Variants in PCDHGA10 observed in about 807,000 individuals in gnomAD.
The protein encoded by PCDHGA10 is protocadherin gamma-A10.
In PCDHGA10, 42 loss-of-function variants were observed where a neutral mutation model predicts 59.5. That is an observed-to-expected ratio of 0.71 (90% CI 0.55 to 0.91). The LOEUF (loss-of-function observed/expected upper bound fraction) is 0.91, where lower values mean the gene tolerates loss of function less well. Among genes scored for constraint, PCDHGA10 ranks in the 40% least tolerant of loss-of-function variants. The probability of loss-of-function intolerance (pLI) is 0.00; values close to 1 mark genes in which losing one functional copy is unlikely to be tolerated. For missense variants in PCDHGA10, 1,111 were observed against 1,198.2 expected, an observed-to-expected ratio of 0.93 and a Z score of 1.07; for synonymous variants, 511 against 517.2, an observed-to-expected ratio of 0.99 and a Z score of 0.16.
At chr5:141,441,793 C>T (rs961624726) in intron 1 of PCDHGA10, 7 of 391,390 alleles carry the variant, frequency 1.8e-5, no homozygotes, top group Non-Finnish European at 3.6e-5. Flanking sequence ...AATGACAACG[C>T]ACCGCGGGTG....
intron 2 of PCDHGA10, among the ~76,000 whole-genome samples, chr5:141,497,642 C>T (rs1426920174): frequency 1.3e-5 from 2 of 151,352 alleles, no homozygotes; most frequent in Middle Eastern, 3.4e-3. Context: ...CAGGTTCAAG[C>T]GATTCTCCTG....
rs553276457 is a variant in PCDHGA10 at position 141,480,179 on chromosome 5, G to A, written c.2437-14628G>A. Among the ~76,000 whole-genome samples, 10 of 152,058 alleles carry A rather than the reference G, an allele frequency of 6.6e-5. No individual in the cohort carries two copies. In the South Asian group the frequency reaches 8.3e-4, roughly 13 times the overall value. On this transcript the variant is annotated intron_variant, in intron 1 of 3. Transcript: ENST00000398610. ...AGCATTTTGGGAGGCTGAGGCAGGC[G>A]GATTGCTTGAGGCCAGCAGTTCAAG... is the stretch of plus-strand genomic sequence containing the variant.
At position 141,414,983 on chromosome 5, in the gene PCDHGA10, G is replaced by C; in HGVS notation, c.1808G>C (p.Gly603Ala). 6.2e-7 allele frequency: 1 copy of C among 1,613,716 alleles called. No individual in the cohort carries two copies. The highest frequency in any genetic ancestry group is 8.5e-7 in the Non-Finnish European group (1 of 1,180,034). ...GTGGTGGCGGTGGACAGAGACTCCGGCCAGAACGCCTGGCTGTCCTACCGT... is the reference window on the plus strand; with the variant it reads ...GTGGTGGCGGTGGACAGAGACTCCGCCCAGAACGCCTGGCTGTCCTACCGT... ...TKVVAVDRDS[G>A]QNAWLSYRLL... The change falls in exon 1 of 4, where the codon GGC (glycine) becomes GCC (alanine). Residue 603 changes from glycine (G) to alanine (A), a missense_variant. Coordinates refer to ENST00000398610, the MANE Select transcript of PCDHGA10 (RefSeq NM_018913.3).
intron 1 of PCDHGA10, among the ~76,000 whole-genome samples, chr5:141,450,968 G>A (rs756891993): frequency 5.5e-4 from 84 of 151,848 alleles, no homozygotes; most frequent in Non-Finnish European, 9.0e-4. Context: ...GGGATTACAG[G>A]CATGTGCCAC....
intron 1 of PCDHGA10, among the ~76,000 whole-genome samples, chr5:141,443,085 G>A (rs991288098): frequency 3.9e-5 from 6 of 151,916 alleles, no homozygotes; most frequent in Admixed American, 2.6e-4. Flanking sequence ...GAGTGTTCCA[G>A]TCTCCTTCTC....
At chr5:141,435,024 C>T (rs1263332887) in intron 1 of PCDHGA10, among the ~76,000 whole-genome samples, 3 of 151,970 alleles carry the variant, frequency 2.0e-5, no homozygotes, top group Non-Finnish European at 4.4e-5. Context: ...ATGCTCTTTT[C>T]CCACTTTTAT....
At position 141,413,477 on chromosome 5, in the gene PCDHGA10, C is replaced by A; in HGVS notation, c.302C>A (p.Ala101Asp). Residue 101 changes from alanine to aspartate, a missense_variant, in exon 1 of 4, where the codon GCT becomes GAT. By Grantham distance (126) the Ala-to-Asp change is moderately radical. Coordinates refer to ENST00000398610, the MANE Select transcript of PCDHGA10 (RefSeq NM_018913.3). ...AGRIDREELC[A>D]QSARCVVSFN... ...AGGATAGACCGGGAGGAGCTCTGCG[C>A]TCAGAGCGCGCGGTGCGTGGTGAGT... is the stretch of plus-strand genomic sequence containing the variant. The A allele has an allele frequency of 6.2e-7, 1 of 1,614,100 alleles. No individual in the cohort carries two copies. The highest frequency in any genetic ancestry group is 8.5e-7 in the Non-Finnish European group (1 of 1,179,964).
At chr5:141,450,014 T>A (rs867473620) in intron 1 of PCDHGA10, among the ~76,000 whole-genome samples, 7,114 of 149,588 alleles carry the variant, frequency 0.048, 422 homozygotes, top group African/African-American at 0.13. Context: ...CTCTTTTTTT[T>A]TTTTTTTTTT....
chr5:141,500,484 C>T (rs2099800696), intron 2 of PCDHGA10, among the ~76,000 whole-genome samples: 1 of 152,304 alleles, frequency 6.6e-6, no homozygotes, highest in Non-Finnish European at 1.5e-5. Context: ...GCTGGGATTA[C>T]AGGCGTGAGC....
rs755936344 is a variant in PCDHGA10, at chr5:141,490,704, C to T, written c.2437-4103C>T. ...ATCCAGACACTGGGGATAATGCCCG[C>T]CTCACCTACTCCATTGTAGGAAATC... On this transcript the variant is annotated intron_variant, in intron 1 of 3. Transcript: ENST00000398610. The surrounding 1 kb of genome is among the most constrained non-coding windows in gnomAD (Gnocchi z 5.4). 6.2e-7 allele frequency: 1 copy of T among 1,614,166 alleles called. No homozygotes were observed.
At chr5:141,463,808 T>C (rs1018369312) in intron 1 of PCDHGA10, among the ~76,000 whole-genome samples, 2 of 152,196 alleles carry the variant, frequency 1.3e-5, no homozygotes, top group African/African-American at 4.8e-5. Flanking sequence ...CTAAAAGCTT[T>C]TATCACACAT....
intron 1 of PCDHGA10, chr5:141,478,694 T>G: frequency 1.3e-6 from 2 of 1,550,598 alleles, no homozygotes; most frequent in Non-Finnish European, 1.7e-6. Context: ...TAGATCAAAG[T>G]TAGTGCCTTT....
At chr5:141,422,198 A>G (rs2096632774) in intron 1 of PCDHGA10, 1 of 1,562,340 alleles carries the variant, frequency 6.4e-7, no homozygotes, top group Non-Finnish European at 8.6e-7. Flanking sequence ...CAAGGCCAAG[A>G]TGGTGGAGGT....
chr5:141,431,973 TC>T lies in PCDHGA10; in HGVS notation c.2436+16363del, dbSNP rs770294598. 13 of 1,614,100 alleles carry T rather than the reference TC, an allele frequency of 8.1e-6. No individual in the cohort carries two copies. The highest frequency in any genetic ancestry group is 1.0e-5 in the Non-Finnish European group (12 of 1,180,038). On this transcript the variant is annotated intron_variant, in intron 1 of 3. Transcript: ENST00000398610. This position sits in a 1 kb window ranked among gnomAD's most constrained non-coding sequence, Gnocchi z 4.8. ...TCTTACGGAAATTACTATAGTTTAG[TC>T]ACAGACATAGTCTTGGATAGGGAAC...
At chr5:141,508,244 C>A (rs1278674173) in intron 3 of PCDHGA10, 1 of 152,314 alleles carries the variant, frequency 6.6e-6, no homozygotes, top group Non-Finnish European at 1.5e-5. Context: ...CTAAGTCTGC[C>A]TCTCCTGGGA....
At chr5:141,418,828 C>G in intron 1 of PCDHGA10, 1 of 1,613,978 alleles carries the variant, frequency 6.2e-7, no homozygotes, top group Non-Finnish European at 8.5e-7. Flanking sequence ...AAGCAAAAGA[C>G]CGAGGATCTC....
In PCDHGA10 at chr5:141,505,435, G is replaced by A. The variant is rs1274195652; in HGVS notation, c.2538G>A (p.Gln846=). The change falls in exon 3 of 4, where the codon CAG becomes CAA. Residue 846 remains glutamine, a synonymous_variant. Transcript: ENST00000398610. ...GDDTGTWPNN[Q]FDTEMLQAMI... is the part of the protein sequence containing the mutation. ...ACACCGGCACCTGGCCCAACAACCA[G>A]TTTGACACAGAGATGCTGCAAGCCA... 1 of 1,614,096 alleles carries A rather than the reference G, an allele frequency of 6.2e-7. No homozygotes were observed. Among genetic ancestry groups the A allele is most frequent in the African/African-American group, 1.3e-5 (1 of 74,936 alleles).
At chr5:141,446,621 C>T (rs1284919173) in intron 1 of PCDHGA10, among the ~76,000 whole-genome samples, 2 of 152,094 alleles carry the variant, frequency 1.3e-5, no homozygotes, top group Non-Finnish European at 2.9e-5. Flanking sequence ...GGACTACAGG[C>T]GTGCACCACC....
At chr5:141,454,931 C>T (rs2154564856) in intron 1 of PCDHGA10, among the ~76,000 whole-genome samples, 2 of 151,066 alleles carry the variant, frequency 1.3e-5, no homozygotes, top group South Asian at 4.2e-4. Context: ...CCTCAGCCTC[C>T]CGAGTAGCTG....
Sources: gnomAD v4.1 joint callset for allele counts (sites outside exome capture counted in the v4.1 genomes callset) on GRCh38, gnomAD v4.1.1 for gene constraint, Gnocchi (gnomAD v3.1) non-coding constraint, MANE v1.5 for transcripts, NCBI Gene and HGNC (gene_info 2026-07-23, HGNC 2026-07-21) for gene names.